ITIH5: variants seen among roughly 807,000 people sequenced by gnomAD.
ITIH5 encodes the protein inter-alpha-trypsin inhibitor heavy chain H5.
ITIH5 carries 65 observed loss-of-function variants against 77.5 expected under a neutral mutation model. That is an observed-to-expected ratio of 0.84 (90% CI 0.69 to 1.03). The LOEUF (loss-of-function observed/expected upper bound fraction) is 1.03. Ranked by LOEUF, ITIH5 falls within the 50% of genes least tolerant of loss-of-function variation. The probability of loss-of-function intolerance (pLI) is 0.00; values close to 1 mark genes in which losing one functional copy is unlikely to be tolerated. For missense variants in ITIH5, 1,208 were observed against 1,213.1 expected, an observed-to-expected ratio of 1.00 and a Z score of 0.06; for synonymous variants, 525 against 494.3, an observed-to-expected ratio of 1.06 and a Z score of -0.82.
At chr10:7,618,908 C>T (rs1172999118) in intron 5 of ITIH5, 1 of 152,124 alleles carries the variant, frequency 6.6e-6, no homozygotes, top group Non-Finnish European at 1.5e-5. Context: ...TAACAGGAAC[C>T]ACAAGGTAGA....
intron 7 of ITIH5, among the ~76,000 whole-genome samples, chr10:7,589,720 T>C (rs1806100600): frequency 2.0e-5 from 3 of 151,876 alleles, no homozygotes; most frequent in Middle Eastern, 3.4e-3. Flanking sequence ...TTTCCCGTCC[T>C]CTCCCATGCC....
chr10:7,625,932 C>A (rs117884183), intron 5 of ITIH5, among the ~76,000 whole-genome samples: 4 of 152,184 alleles, frequency 2.6e-5, no homozygotes, highest in East Asian at 1.9e-4. Context: ...ATTCCAGGAA[C>A]CTTGCACAGC....
chr10:7,654,968 T>G (rs564629568), intron 2 of ITIH5, among the ~76,000 whole-genome samples: 12 of 56,004 alleles, frequency 2.1e-4, no homozygotes, highest in African/African-American at 9.0e-4. Flanking sequence ...AAAAAAAAAT[T>G]TTTTTTAATT....
chr10:7,601,774 C>A (rs1271173783), intron 7 of ITIH5, among the ~76,000 whole-genome samples: 1 of 152,196 alleles, frequency 6.6e-6, no homozygotes, highest in Admixed American at 6.5e-5. Context: ...CAGAATTTCT[C>A]TTCATTGATT....
At chr10:7,596,703 T>C (rs191001843) in intron 7 of ITIH5, among the ~76,000 whole-genome samples, 84 of 152,214 alleles carry the variant, frequency 5.5e-4, no homozygotes, top group African/African-American at 2.0e-3. Flanking sequence ...CACACAGTTC[T>C]TTTGAATGAG....
intron 8 of ITIH5, among the ~76,000 whole-genome samples, chr10:7,584,008 G>A (rs1832621402): frequency 6.6e-6 from 1 of 152,174 alleles, no homozygotes; most frequent in African/African-American, 2.4e-5. Flanking sequence ...CTAACCACTT[G>A]AAATGCTTTA....
intron 5 of ITIH5, chr10:7,621,061 G>A (rs1161364914): frequency 6.6e-6 from 1 of 152,184 alleles, no homozygotes; most frequent in East Asian, 1.9e-4. Context: ...CGCCATTTGT[G>A]TTTTAACGAG....
At position 7,637,370 on chromosome 10, in the gene ITIH5, G is replaced by T. The variant is rs1365667076; in HGVS notation, c.510C>A (p.Tyr170Ter). 6.2e-7 allele frequency: 1 copy of T among 1,614,224 alleles called. No homozygotes were observed. The highest frequency in any genetic ancestry group is 1.1e-5 in the South Asian group (1 of 91,090). Reference protein sequence around the residue: ...EELLQRRLGKYEHSISVRPQQ... With the variant: ...EELLQRRLGK ...GGGGCCGCACGCTGATGCTGTGCTC[G>T]TACTTGCCCAGGCGCCTCTGCAGAA... The change falls in exon 5 of 14, where the codon TAC becomes TAA. Residue 170 changes from tyrosine to a stop codon, truncating the protein, a stop_gained. Coordinates refer to ENST00000397146, the MANE Select transcript of ITIH5 (RefSeq NM_030569.7). LOFTEE classifies it high-confidence loss of function.
chr10:7,639,102 A>G (rs1172188029), intron 4 of ITIH5, among the ~76,000 whole-genome samples: 1 of 152,244 alleles, frequency 6.6e-6, no homozygotes, highest in Non-Finnish European at 1.5e-5. Context: ...GATAAAGACC[A>G]CTTGGGATAA....
intron 1 of ITIH5, among the ~76,000 whole-genome samples, chr10:7,661,073 G>C (rs1249906295): frequency 6.6e-6 from 1 of 152,186 alleles, no homozygotes; most frequent in Non-Finnish European, 1.5e-5. Flanking sequence ...ATTGTGAACT[G>C]TGCATGCAAG....
intron 5 of ITIH5, among the ~76,000 whole-genome samples, chr10:7,622,659 T>G (rs1293292715): frequency 2.6e-5 from 4 of 152,108 alleles, no homozygotes; most frequent in African/African-American, 9.7e-5. Flanking sequence ...TAACAGGAAA[T>G]TCAATATATA....
intron 2 of ITIH5, among the ~76,000 whole-genome samples, chr10:7,645,463 C>T (rs984722958): frequency 6.6e-6 from 1 of 152,098 alleles, no homozygotes; most frequent in African/African-American, 2.4e-5. Flanking sequence ...CCCAGCAAGC[C>T]GCAGTTTAAC....
intron 7 of ITIH5, among the ~76,000 whole-genome samples, chr10:7,609,111 G>A (rs1215173986): frequency 6.6e-6 from 1 of 152,178 alleles, no homozygotes; most frequent in East Asian, 1.9e-4. Context: ...GTGTATTTCA[G>A]CATAATTACA....
At chr10:7,655,045 A>C (rs1834158342) in intron 2 of ITIH5, among the ~76,000 whole-genome samples, 1 of 152,154 alleles carries the variant, frequency 6.6e-6, no homozygotes, top group Non-Finnish European at 1.5e-5. Flanking sequence ...ATCTGAATCC[A>C]CTCAAACACC....
In ITIH5 at chr10:7,617,286, C is replaced by A; in HGVS notation, c.653-4G>T. 1 of 1,513,234 alleles carries A rather than the reference C, an allele frequency of 6.6e-7. No homozygotes were observed. The highest frequency in any genetic ancestry group is 2.4e-5 in the East Asian group (1 of 41,438). 93.7% of individuals were successfully genotyped at this position (1,513,234 alleles called of 1,614,324 possible). On this transcript the variant is annotated splice_polypyrimidine_tract_variant and splice_region_variant and intron_variant, in intron 5 of 13. Transcript: ENST00000397146. ...GATGGGGGAGGCCCAGAATCATCTG[C>A]AAACAAGATAGAAACATAATTAATA...
chr10:7,568,455 G>C (rs1284188997), intron 12 of ITIH5, among the ~76,000 whole-genome samples: 1 of 152,152 alleles, frequency 6.6e-6, no homozygotes, highest in Non-Finnish European at 1.5e-5. Context: ...ACTGCTCCCA[G>C]AATAGGAGGT....
At chr10:7,568,324 G>A (rs991513158) in intron 12 of ITIH5, among the ~76,000 whole-genome samples, 1 of 152,198 alleles carries the variant, frequency 6.6e-6, no homozygotes, top group Non-Finnish European at 1.5e-5. Flanking sequence ...GGGGCAAGGG[G>A]TCAGGGGAGA....
At chr10:7,581,005 A>C (rs929415933) in intron 8 of ITIH5, among the ~76,000 whole-genome samples, 2 of 152,146 alleles carry the variant, frequency 1.3e-5, no homozygotes, top group East Asian at 3.9e-4. Flanking sequence ...CATGCCTGTA[A>C]TCCCAGCACT....
At chr10:7,597,063 A>AAAAAAAAAAAAAAAAT (rs750714870) in intron 7 of ITIH5, among the ~76,000 whole-genome samples, 202 of 142,584 alleles carry the variant, frequency 1.4e-3, no homozygotes, top group Non-Finnish European at 2.4e-3. Context: ...AAAAAAAAAA[A>AAAAAAAAAAAAAAAAT]ATTCCACCAA....
Sources: gnomAD v4.1 joint callset for allele counts (sites outside exome capture counted in the v4.1 genomes callset) on GRCh38, gnomAD v4.1.1 for gene constraint, MANE v1.5 for transcripts, NCBI Gene and HGNC (gene_info 2026-07-23, HGNC 2026-07-21) for gene names.